GALNT13: variants seen among roughly 807,000 people sequenced by gnomAD.
GALNT13 encodes UDP-GalNAc:polypeptide N-acetylgalactosaminyltransferase 13.
A neutral mutation model predicts 64.2 loss-of-function variants in GALNT13; 28 were observed. That is an observed-to-expected ratio of 0.44 (90% CI 0.32 to 0.60). The LOEUF (loss-of-function observed/expected upper bound fraction) is 0.60. Among genes scored for constraint, GALNT13 ranks in the 20% least tolerant of loss-of-function variants. The pLI is 0.05. For missense variants in GALNT13, 577 were observed against 669.8 expected (o/e 0.86, Z 1.53); for synonymous variants, 214 against 224.6 (o/e 0.95, Z 0.42).
At chr2:153,840,985 A>T in the GALNT13 span, among the ~76,000 whole-genome samples, 6 of 152,116 alleles carry the variant, frequency 3.9e-5, no homozygotes, top group Non-Finnish European at 7.4e-5. Context: ...TCTAGATATA[A>T]GAATTCTTAG....
the GALNT13 span, among the ~76,000 whole-genome samples, chr2:153,348,597 T>C: frequency 4.6e-5 from 7 of 152,212 alleles, no homozygotes; most frequent in Non-Finnish European, 8.8e-5. Flanking sequence ...TATAGAAAAT[T>C]GTTGATAGAA....
the GALNT13 span, among the ~76,000 whole-genome samples, chr2:153,681,392 C>T: frequency 6.6e-6 from 1 of 151,798 alleles, no homozygotes; most frequent in Non-Finnish European, 1.5e-5. Context: ...TTCTTGTGAA[C>T]AAGAAATCTA....
intron 11 of GALNT13, among the ~76,000 whole-genome samples, chr2:154,413,589 G>C (rs893606743): frequency 1.3e-5 from 2 of 151,898 alleles, no homozygotes; most frequent in South Asian, 4.2e-4. Context: ...ATGTCCCATC[G>C]GTCTCCTGTG....
the GALNT13 span, among the ~76,000 whole-genome samples, chr2:153,612,843 A>G: frequency 2.0e-5 from 3 of 152,304 alleles, no homozygotes; most frequent in Non-Finnish European, 2.9e-5. Context: ...CATTACGTAT[A>G]TATGGTACTG....
chr2:153,428,168 A>G, the GALNT13 span, among the ~76,000 whole-genome samples: 2 of 152,154 alleles, frequency 1.3e-5, no homozygotes, highest in South Asian at 4.1e-4. Context: ...GATGAATGCT[A>G]TGTTAGTCCA....
At chr2:153,469,976 T>A in the GALNT13 span, among the ~76,000 whole-genome samples, 2 of 152,238 alleles carry the variant, frequency 1.3e-5, no homozygotes, top group African/African-American at 4.8e-5. Flanking sequence ...CACTTGGAGC[T>A]ACATCAACTC....
chr2:153,530,230 C>T, the GALNT13 span, among the ~76,000 whole-genome samples: 2 of 151,670 alleles, frequency 1.3e-5, no homozygotes, highest in Non-Finnish European at 2.9e-5. Flanking sequence ...TTTTTATATG[C>T]CAACTGTGAA....
intron 3 of GALNT13, 109 bp from the exon 4 acceptor site, chr2:154,140,228 C>A (rs986350283): frequency 6.7e-6 from 5 of 745,340 alleles, no homozygotes; most frequent in Non-Finnish European, 1.1e-5. Context: ...TATTATAAAA[C>A]CTGTATGTAA....
At chr2:153,470,697 TTTG>T in the GALNT13 span, among the ~76,000 whole-genome samples, 1 of 152,154 alleles carries the variant, frequency 6.6e-6, no homozygotes, top group African/African-American at 2.4e-5. Flanking sequence ...AAGCTAGATT[TTTG>T]TTGATTGTAA....
chr2:153,950,413 A>C (rs996551078), intron 3 of GALNT13, among the ~76,000 whole-genome samples: 1 of 152,118 alleles, frequency 6.6e-6, no homozygotes, highest in African/African-American at 2.4e-5. Context: ...CTACAGTGAT[A>C]TATCACTTAT....
the GALNT13 span, among the ~76,000 whole-genome samples, chr2:153,766,610 A>G: frequency 2.6e-5 from 4 of 151,924 alleles, no homozygotes; most frequent in Non-Finnish European, 4.4e-5. Context: ...TAACTTACTA[A>G]TTCTTTTCTC....
At chr2:153,883,275 T>C (rs1213849625) in intron 1 of GALNT13, among the ~76,000 whole-genome samples, 1 of 151,586 alleles carries the variant, frequency 6.6e-6, no homozygotes, top group South Asian at 2.1e-4. Context: ...TGAAACAAGA[T>C]GGAAAATATG....
At chr2:153,769,295 C>A in the GALNT13 span, among the ~76,000 whole-genome samples, 1 of 151,890 alleles carries the variant, frequency 6.6e-6, no homozygotes, top group Non-Finnish European at 1.5e-5. Context: ...ATTCCCTCAG[C>A]TTTTGTTTGT....
At chr2:154,106,357 A>G (rs2105475781) in intron 3 of GALNT13, among the ~76,000 whole-genome samples, 1 of 152,218 alleles carries the variant, frequency 6.6e-6, no homozygotes, top group African/African-American at 2.4e-5. Context: ...ATTTGGTAAA[A>G]CATGTCAGAT....
the GALNT13 span, among the ~76,000 whole-genome samples, chr2:153,806,998 G>A: frequency 6.6e-6 from 1 of 152,118 alleles, no homozygotes; most frequent in Non-Finnish European, 1.5e-5. Context: ...GCGGAAAAGT[G>A]AAGGGGATTG....
At chr2:153,386,515 C>T in the GALNT13 span, among the ~76,000 whole-genome samples, 63 of 152,084 alleles carry the variant, frequency 4.1e-4, 1 homozygote, top group Non-Finnish European at 8.5e-4. Flanking sequence ...TTGGAAATGA[C>T]CTGGCCATTG....
chr2:154,354,405 C>CTTTTTTTTTTT (rs546187850), intron 9 of GALNT13, among the ~76,000 whole-genome samples: 3 of 60,360 alleles, frequency 5.0e-5, no homozygotes, highest in African/African-American at 2.1e-4. Context: ...TGATGTAGTC[C>CTTTTTTTTTTT]TTTTTTTTTT....
chr2:153,158,488 A>G, the GALNT13 span, among the ~76,000 whole-genome samples: 1 of 152,198 alleles, frequency 6.6e-6, no homozygotes, highest in Non-Finnish European at 1.5e-5. Context: ...GCTTCACTGT[A>G]AAACAAATTA....
At position 154,242,895 on chromosome 2, in the gene GALNT13, A is replaced by C; in HGVS notation, c.676A>C (p.Lys226Gln). The C allele has an allele frequency of 1.2e-6, 2 of 1,613,924 alleles. No homozygotes were observed. Among genetic ancestry groups the C allele is most frequent in the Non-Finnish European group, 1.7e-6 (2 of 1,179,842 alleles). ...GWLEPLLARI[K>Q]EDRKTVVCPI... ...GCTGGAGCCTTTGCTGGCAAGAATA[A>C]AGGAAGACAGGTAAGAATTTATGTG... The change falls in exon 6 of 13, where the codon AAG (lysine) becomes CAG (glutamine). Residue 226 changes from lysine to glutamine, a missense_variant. Lys to Gln is a moderately conservative substitution (Grantham distance 53). Transcript: ENST00000392825.
Sources: allele counts gnomAD v4.1 joint callset (sites outside exome capture counted in the v4.1 genomes callset), GRCh38; gene constraint gnomAD v4.1.1; transcripts MANE v1.5; gene names NCBI Gene and HGNC (gene_info 2026-07-23, HGNC 2026-07-21).